Variants in TCF7L2 observed in about 807,000 individuals in gnomAD.
The protein encoded by TCF7L2 is transcription factor 7-like 2.
A neutral mutation model predicts 77.9 loss-of-function variants in TCF7L2; 23 were observed. That is an observed-to-expected ratio of 0.30 (90% confidence interval 0.21 to 0.42). TCF7L2 has a LOEUF of 0.42. Among genes scored for constraint, TCF7L2 ranks in the 10% least tolerant of loss-of-function variants. The pLI, the probability that TCF7L2 is intolerant of heterozygous loss-of-function variation, is 1.00. For synonymous variants in TCF7L2, 413 were observed against 340.2 expected, an observed-to-expected ratio of 1.21 and a Z score of -2.36; for missense variants, 654 against 793.1, an observed-to-expected ratio of 0.82 and a Z score of 2.11.
rs2054594590 is a variant in TCF7L2 at position 113,052,206 on chromosome 10, TGCAGGGTTTGTACTTGGACCTGCAG to T, written c.552+12083_552+12107del. Among the ~76,000 whole-genome samples the T allele has an allele frequency of 3.3e-5, 5 of 152,264 alleles. No individual in the cohort carries two copies. The South Asian group carries it at 1.0e-3, about 32-fold the overall frequency. On this transcript the variant is annotated intron_variant, in intron 5 of 13. Coordinates refer to ENST00000627217, the MANE Select transcript of TCF7L2 (RefSeq NM_001146274.2). ...GTTGATCCAAGGACTCTGAGCCGAG[TGCAGGGTTTGTACTTGGACCTGCAG>T]GCTGGGTGGCGTCTGTGGGAGCAGT...
At chr10:113,014,797 C>T (rs2047062237) in intron 4 of TCF7L2, among the ~76,000 whole-genome samples, 2 of 151,866 alleles carry the variant, frequency 1.3e-5, no homozygotes, top group South Asian at 2.1e-4. Context: ...CAAAAACAAA[C>T]AAACAAACAA....
At chr10:113,040,605 G>C (rs1437319003) in intron 5 of TCF7L2, among the ~76,000 whole-genome samples, 1 of 152,132 alleles carries the variant, frequency 6.6e-6, no homozygotes, top group African/African-American at 2.4e-5. Flanking sequence ...ATTTCATCTG[G>C]GCTGGCTGAC....
At chr10:113,102,003 G>T in intron 5 of TCF7L2, among the ~76,000 whole-genome samples, 1 of 150,136 alleles carries the variant, frequency 6.7e-6, no homozygotes, top group Non-Finnish European at 1.5e-5. Context: ...GCCGGGCGTG[G>T]TGGTGTACGC....
intron 4 of TCF7L2, among the ~76,000 whole-genome samples, chr10:113,030,162 A>G (rs147633004): frequency 4.2e-4 from 64 of 152,328 alleles, no homozygotes; most frequent in African/African-American, 1.5e-3. Flanking sequence ...ATATAAAAAG[A>G]ATCATACACC....
chr10:113,157,956 C>T (rs978712195), intron 11 of TCF7L2, 65 bp from the exon 12 acceptor site: 28 of 1,511,144 alleles, frequency 1.9e-5, no homozygotes, highest in African/African-American at 5.5e-5. Context: ...CTTCCAGGTG[C>T]GCCCAGACAC....
chr10:113,160,078 GCT>G, intron 12 of TCF7L2, 86 bp downstream of exon 14: 1 of 1,243,812 alleles, frequency 8.0e-7, no homozygotes, highest in Non-Finnish European at 1.2e-6. Flanking sequence ...TTGCTTTGTA[GCT>G]CTGTGTGTGG....
intron 4 of TCF7L2, among the ~76,000 whole-genome samples, chr10:113,006,540 G>A (rs2133479618): frequency 6.6e-6 from 1 of 152,256 alleles, no homozygotes; most frequent in Middle Eastern, 3.4e-3. Flanking sequence ...TGTGTTACCT[G>A]TGTAACCACG....
At chr10:113,051,203 CCA>C (rs55771704) in intron 5 of TCF7L2, among the ~76,000 whole-genome samples, 3,121 of 140,410 alleles carry the variant, frequency 0.022, 32 homozygotes, top group Middle Eastern at 0.032. Flanking sequence ...TGCATACACA[CCA>C]CACACACACA....
chr10:113,006,395 C>T (rs577174671), intron 4 of TCF7L2, among the ~76,000 whole-genome samples: 1 of 152,312 alleles, frequency 6.6e-6, no homozygotes, highest in South Asian at 2.1e-4. Flanking sequence ...GCCTCAATCC[C>T]TCACGCTGGA....
intron 5 of TCF7L2, among the ~76,000 whole-genome samples, chr10:113,097,153 T>C (rs891336830): frequency 9.2e-5 from 14 of 152,328 alleles, no homozygotes; most frequent in African/African-American, 2.9e-4. Context: ...TCCCAGCTCC[T>C]GCCTGCTAGG....
At chr10:113,161,477 T>A in intron 13 of TCF7L2, 1 of 1,304,106 alleles carries the variant, frequency 7.7e-7, no homozygotes, top group Non-Finnish European at 1.1e-6. Flanking sequence ...GTGTAGGTAC[T>A]TCCTTCTTGG....
At chr10:113,014,272 C>A (rs986146515) in intron 4 of TCF7L2, among the ~76,000 whole-genome samples, 1 of 152,182 alleles carries the variant, frequency 6.6e-6, no homozygotes, top group Admixed American at 6.5e-5. Context: ...AAGCCCCCTA[C>A]CCTGGGGCAT....
At chr10:113,063,644 C>T (rs1215628463) in intron 5 of TCF7L2, among the ~76,000 whole-genome samples, 1 of 152,160 alleles carries the variant, frequency 6.6e-6, no homozygotes, top group East Asian at 1.9e-4. Flanking sequence ...GAGGCTGTCA[C>T]CAGTCCTCCC....
Position 113,157,948 on chromosome 10 carries a change from T to TC in TCF7L2, c.1270-71dup. 3.3e-6 allele frequency: 5 copies of TC among 1,493,522 alleles called. No individual in the cohort carries two copies. The South Asian group carries it at 6.1e-5, about 18-fold the overall frequency. 92.5% of individuals were successfully genotyped at this position (1,493,522 alleles called of 1,614,324 possible). Reference sequence around the variant, plus strand: ...TGGTCACTTCCTCCTGCCTTCTCCTTCCAGGTGCGCCCAGACACTCTTCTC... The same window carrying TC: ...TGGTCACTTCCTCCTGCCTTCTCCTTCCCAGGTGCGCCCAGACACTCTTCTC... On this transcript the variant is annotated intron_variant, in intron 11 of 13. Transcript: ENST00000627217.
intron 5 of TCF7L2, among the ~76,000 whole-genome samples, chr10:113,081,280 G>A (rs1176779683): frequency 6.6e-6 from 1 of 152,230 alleles, no homozygotes; most frequent in East Asian, 1.9e-4. Context: ...ATTCTGCCCA[G>A]TAATGTTTAC....
chr10:113,077,875 T>C (rs1186728345), intron 5 of TCF7L2, among the ~76,000 whole-genome samples: 2 of 105,436 alleles, frequency 1.9e-5, no homozygotes, highest in African/African-American at 8.2e-5. Context: ...ATTTATTTAT[T>C]TATTTATTTA....
At chr10:113,073,551 G>A (rs905315702) in intron 5 of TCF7L2, among the ~76,000 whole-genome samples, 3 of 150,992 alleles carry the variant, frequency 2.0e-5, no homozygotes, top group African/African-American at 7.3e-5. Context: ...AATTAGCTGG[G>A]GGTGGTGGTG....
chr10:113,013,538 G>A (rs1409258002), intron 4 of TCF7L2, among the ~76,000 whole-genome samples: 1 of 152,232 alleles, frequency 6.6e-6, no homozygotes, highest in Non-Finnish European at 1.5e-5. Context: ...GGGATATTTT[G>A]AAGTGGGGGC....
At chr10:113,048,807 C>G (rs553248190) in intron 5 of TCF7L2, among the ~76,000 whole-genome samples, 4 of 152,260 alleles carry the variant, frequency 2.6e-5, no homozygotes, top group Non-Finnish European at 4.4e-5. Context: ...GGGCCACTGG[C>G]TCTTTAAGAG....
Sources: gnomAD v4.1 joint callset for allele counts (sites outside exome capture counted in the v4.1 genomes callset) on GRCh38, gnomAD v4.1.1 for gene constraint, MANE v1.5 for transcripts, NCBI Gene and HGNC (gene_info 2026-07-23, HGNC 2026-07-21) for gene names.